The following TLE6 variants were observed in gnomAD, a reference collection of about 807,000 sequenced individuals.
TLE6 encodes transducin-like enhancer protein 6.
In TLE6, 72 loss-of-function variants were observed where a neutral mutation model predicts 77.1. The ratio of observed to expected loss-of-function variants is 0.93; its 90% CI spans 0.77 to 1.14. The LOEUF is 1.14. Among genes scored for constraint, TLE6 ranks in the 50% most tolerant of loss-of-function variants. The pLI, the probability that TLE6 is intolerant of heterozygous loss-of-function variation, is 0.00. For missense variants in TLE6, 843 were observed against 747.6 expected (o/e 1.13, Z -1.49); for synonymous variants, 366 against 287.3 (o/e 1.27, Z -2.77).
chr19:2,987,064 A>C lies in TLE6; in HGVS notation c.367A>C (p.Ile123Leu). 2 of 1,614,162 alleles carry C rather than the reference A, an allele frequency of 1.2e-6. No homozygotes were observed. The highest frequency in any genetic ancestry group is 1.7e-6 in the Non-Finnish European group (2 of 1,180,014). Residue 123 changes from isoleucine to leucine, a missense_variant, in exon 7 of 17, where the codon ATC becomes CTC. By Grantham distance (5) the Ile-to-Leu change is conservative (BLOSUM62 2). Transcript: ENST00000246112. Reference protein sequence around the residue: ...KTLQESSFEDIMATRSSDWLR... With the variant: ...KTLQESSFEDLMATRSSDWLR... ...CCTGCAGGAGTCGAGCTTTGAGGAC[A>C]TCATGGCCACCAGGTCCTCCGACTG... is the stretch of plus-strand genomic sequence containing the variant.
chr19:2,990,971 G>C (rs1164992919), intron 13 of TLE6, among the ~76,000 whole-genome samples: 1 of 150,796 alleles, frequency 6.6e-6, no homozygotes, highest in Non-Finnish European at 1.5e-5. Context: ...CTCCAGCCTG[G>C]GTCACAGAGT....
At chr19:2,981,398 G>T in intron 3 of TLE6, 140 bp from the exon 4 acceptor site, 3 of 711,796 alleles carry the variant, frequency 4.2e-6, no homozygotes, top group East Asian at 2.9e-5. Context: ...TGAACTTCTT[G>T]ACACTGCCTT....
intron 14 of TLE6, 24 bp from the exon 15 acceptor site, chr19:2,993,408 C>T (rs1484476136): frequency 6.3e-7 from 1 of 1,582,622 alleles, no homozygotes; most frequent in Non-Finnish European, 8.6e-7. Context: ...CCAGGTTCCT[C>T]CCTCCCCACT....
At chr19:2,989,837 C>T in intron 13 of TLE6, 52 bp downstream of exon 13, 1 of 1,593,898 alleles carries the variant, frequency 6.3e-7, no homozygotes, top group Non-Finnish European at 8.6e-7. Flanking sequence ...CTCCTGTGGC[C>T]ACCTCTGCCC....
chr19:2,994,129 T>C (rs1244457587), intron 16 of TLE6, 34 bp downstream of exon 16: 2 of 1,570,190 alleles, frequency 1.3e-6, no homozygotes, highest in Admixed American at 1.9e-5. Flanking sequence ...GACCCGGGGG[T>C]GGCCCCAAAG....
intron 1 of TLE6, 69 bp from the exon 2 acceptor site, chr19:2,978,129 G>GGGTAA: frequency 8.2e-7 from 1 of 1,214,318 alleles, no homozygotes; most frequent in African/African-American, 1.5e-5. Context: ...TGGGGTAACG[G>GGGTAA]GTGCCTTGCT....
At chr19:2,978,430 T>C (rs2088724036) in intron 2 of TLE6, 146 bp downstream of exon 2, 1 of 764,098 alleles carries the variant, frequency 1.3e-6, no homozygotes, top group South Asian at 1.7e-5. Flanking sequence ...TCAAGACAGG[T>C]GCCAAGGAGC....
chr19:2,985,904 T>C (rs2088898482), intron 5 of TLE6, among the ~76,000 whole-genome samples: 1 of 144,572 alleles, frequency 6.9e-6, no homozygotes, highest in Non-Finnish European at 1.5e-5. Context: ...GGTGAAACCC[T>C]GTCTCCACCA....
intron 11 of TLE6, among the ~76,000 whole-genome samples, chr19:2,988,371 C>T (rs777379087): frequency 4.6e-5 from 7 of 152,040 alleles, no homozygotes; most frequent in Non-Finnish European, 8.8e-5. Flanking sequence ...CCGAGGCGGG[C>T]AGATCACGAG....
rs1423090494 is a variant in TLE6 at position 2,988,127 on chromosome 19, A to G, written c.739A>G (p.Ile247Val). 1.9e-6 allele frequency: 3 copies of G among 1,551,672 alleles called. No individual in the cohort carries two copies. Among genetic ancestry groups the G allele is most frequent in the Admixed American group, 3.9e-5 (2 of 50,990 alleles). The change falls in exon 11 of 17, where the codon ATA becomes GTA. Residue 247 changes from isoleucine (I) to valine (V), a missense_variant and splice_region_variant. Transcript: ENST00000246112. ...PGRASRFLQS[I>V]SWDPEDFEDA... ...AAGAGCCTCTCGGTTTCTACAGTCC[A>G]TGTAAGTGTCTGCACTGTTTGCTTT...
intron 8 of TLE6, 75 bp downstream of exon 8, chr19:2,987,447 A>G: frequency 6.3e-7 from 1 of 1,585,164 alleles, no homozygotes; most frequent in Non-Finnish European, 8.7e-7. Flanking sequence ...AGGTCAGGGC[A>G]CTGGGGTTCC....
chr19:2,993,043 A>C (rs1236034915), intron 14 of TLE6, among the ~76,000 whole-genome samples: 10 of 149,880 alleles, frequency 6.7e-5, no homozygotes, highest in Admixed American at 2.0e-4. Flanking sequence ...AAAAAAAAAA[A>C]AAAAAAAAAA....
intron 5 of TLE6, among the ~76,000 whole-genome samples, chr19:2,982,707 C>T (rs2088824523): frequency 6.6e-6 from 1 of 151,890 alleles, no homozygotes; most frequent in East Asian, 1.9e-4. Flanking sequence ...TTGGAAGCCC[C>T]CGTGATATTA....
At chr19:2,989,415 G>A (rs2088992049) in intron 12 of TLE6, 102 bp downstream of exon 12, 1 of 1,577,914 alleles carries the variant, frequency 6.3e-7, no homozygotes, top group Non-Finnish European at 8.6e-7. Flanking sequence ...GGCTTCCAGG[G>A]AAAAGGGGCA....
chr19:2,978,179 C>T lies in TLE6; in HGVS notation c.-36-19C>T, dbSNP rs1482426323. 1.5e-5 allele frequency: 23 copies of T among 1,530,152 alleles called. No individual in the cohort carries two copies. The highest frequency in any genetic ancestry group is 2.0e-5 in the Admixed American group (1 of 50,830). The allele number at this position is 1,530,152 out of a possible 1,614,324, so 94.8% of individuals were successfully genotyped here. A position where few individuals can be genotyped will look rare whatever the true frequency, so the allele number is the denominator to read the frequency against. On this transcript the variant is annotated intron_variant, in intron 1 of 16. Transcript: ENST00000246112. ...TTATTTTCTGTCCCTCAAGACCTGC[C>T]GTCTCCTTGTTGTTTTAGACTCTGG...
At chr19:2,993,920 CAA>C (rs34647224) in intron 15 of TLE6, 97 bp from the exon 16 acceptor site, 89,039 of 526,334 alleles carry the variant, frequency 0.17, 32 homozygotes, top group East Asian at 0.21. Context: ...GACCCTGTCT[CAA>C]AAAAAAAAAA....
chr19:2,994,136 A>C (rs1023762317), intron 16 of TLE6, 41 bp downstream of exon 16: 1 of 1,540,732 alleles, frequency 6.5e-7, no homozygotes, highest in Non-Finnish European at 8.8e-7. Flanking sequence ...GGGTGGCCCC[A>C]AAGGGACCAG....
Position 2,987,786 on chromosome 19 carries a change from C to G in TLE6, c.621C>G (p.Ala207=). The part of the protein sequence containing the change: ...DPGTDPCPED[A]STPRPPEASS... ...GAACAGACCCATGTCCTGAAGATGC[C>G]TCCAGTAATCCCAGCGGGCAGGGGC... is the stretch of plus-strand genomic sequence containing the variant. The change falls in exon 9 of 17, where the codon GCC becomes GCG. Residue 207 remains alanine (A), a synonymous_variant. Transcript: ENST00000246112. 1 of 1,614,166 alleles carries G rather than the reference C, an allele frequency of 6.2e-7. No individual in the cohort carries two copies. The highest frequency in any genetic ancestry group is 8.5e-7 in the Non-Finnish European group (1 of 1,180,022).
At chr19:2,992,207 T>C (rs1211715593) in intron 14 of TLE6, among the ~76,000 whole-genome samples, 1 of 152,010 alleles carries the variant, frequency 6.6e-6, no homozygotes, top group Admixed American at 6.6e-5. Context: ...GCGCAGAGGC[T>C]CACACCTGTA....
Sources: allele counts gnomAD v4.1 joint callset (sites outside exome capture counted in the v4.1 genomes callset), GRCh38; gene constraint gnomAD v4.1.1; transcripts MANE v1.5; gene names NCBI Gene and HGNC (gene_info 2026-07-23, HGNC 2026-07-21).